Variants in VWC2L observed in about 807,000 individuals in gnomAD.
The protein encoded by VWC2L is von Willebrand factor C domain containing 2 like.
A neutral mutation model predicts 21.6 loss-of-function variants in VWC2L; 10 were observed. The ratio of observed to expected loss-of-function variants is 0.46; its 90% CI spans 0.29 to 0.78. The LOEUF (loss-of-function observed/expected upper bound fraction) is 0.78. VWC2L is among the 30% of genes least tolerant of loss of function. The pLI is 0.10. For synonymous variants in VWC2L, 96 were observed against 94.3 expected (o/e 1.02, Z -0.10); for missense variants, 209 against 277.1 (o/e 0.75, Z 1.74).
At chr2:214,452,584 G>T (rs1423525694) in intron 3 of VWC2L, among the ~76,000 whole-genome samples, 1 of 151,906 alleles carries the variant, frequency 6.6e-6, no homozygotes, top group Non-Finnish European at 1.5e-5. Context: ...CCTTCGTATG[G>T]ATACTTTCTT....
At chr2:214,484,452 C>G (rs1422858135) in intron 3 of VWC2L, among the ~76,000 whole-genome samples, 1 of 152,156 alleles carries the variant, frequency 6.6e-6, no homozygotes, top group Non-Finnish European at 1.5e-5. Flanking sequence ...CTGCCAAACT[C>G]TAGCCACTAG....
rs766557511 is a variant in VWC2L, at chr2:214,445,957, T to C, written c.520+9199T>C. On this transcript the variant is annotated intron_variant, in intron 3 of 3. Transcript: ENST00000312504. The stretch of plus-strand genomic sequence containing the variant: ...TAACTATGAGATTCTTTTCAAAGCA[T>C]TTAGAAAGCCTCATTGACCATTTTA... Among the ~76,000 whole-genome samples the C allele has an allele frequency of 5.3e-5, 8 of 152,318 alleles. No individual in the cohort carries two copies. The South Asian group carries it at 8.3e-4, about 16-fold the overall frequency.
At chr2:214,483,779 T>C (rs1393813457) in intron 3 of VWC2L, among the ~76,000 whole-genome samples, 1 of 152,162 alleles carries the variant, frequency 6.6e-6, no homozygotes, top group Non-Finnish European at 1.5e-5. Flanking sequence ...GTGGGATACT[T>C]GGGCTTTTGA....
At chr2:214,505,888 G>C (rs1023702315) in intron 3 of VWC2L, among the ~76,000 whole-genome samples, 1 of 152,120 alleles carries the variant, frequency 6.6e-6, no homozygotes. Flanking sequence ...AATCGTTTTT[G>C]GAGACTTTTT....
chr2:214,552,631 C>T (rs1689811944), intron 3 of VWC2L, among the ~76,000 whole-genome samples: 2 of 152,250 alleles, frequency 1.3e-5, no homozygotes, highest in African/African-American at 4.8e-5. Flanking sequence ...TTCACAGCTC[C>T]CTTCCCAGGG....
chr2:214,575,659 CTG>C lies in VWC2L; in HGVS notation c.521-7_521-6del. 1 of 1,612,420 alleles carries C rather than the reference CTG, an allele frequency of 6.2e-7. No homozygotes were observed. The highest frequency in any genetic ancestry group is 8.5e-7 in the Non-Finnish European group (1 of 1,178,824). The stretch of plus-strand genomic sequence containing the variant: ...AGATTTAATCAACTAATCAATGTAT[CTG>C]TGTGTTTCAGGTCCAAACTGCTTTG... On this transcript the variant is annotated splice_polypyrimidine_tract_variant and intron_variant, in intron 3 of 3. Coordinates refer to ENST00000312504, the MANE Select transcript of VWC2L (RefSeq NM_001080500.4).
intron 3 of VWC2L, among the ~76,000 whole-genome samples, chr2:214,490,934 A>G (rs906116028): frequency 6.6e-6 from 1 of 152,208 alleles, no homozygotes; most frequent in Non-Finnish European, 1.5e-5. Flanking sequence ...GAAGCAAAAC[A>G]CAGAAGTCTA....
At chr2:214,420,326 T>C (rs1702420701) in intron 2 of VWC2L, among the ~76,000 whole-genome samples, 1 of 152,096 alleles carries the variant, frequency 6.6e-6, no homozygotes, top group Non-Finnish European at 1.5e-5. Context: ...GTTTTTTTAA[T>C]ATGGAGAAGA....
intron 3 of VWC2L, among the ~76,000 whole-genome samples, chr2:214,563,944 A>C (rs1341139170): frequency 6.6e-6 from 1 of 152,140 alleles, no homozygotes; most frequent in Non-Finnish European, 1.5e-5. Flanking sequence ...AGAAAACCCC[A>C]CTGTCTCAGC....
At chr2:214,545,750 T>C (rs1461732109) in intron 3 of VWC2L, among the ~76,000 whole-genome samples, 1 of 152,142 alleles carries the variant, frequency 6.6e-6, no homozygotes, top group East Asian at 1.9e-4. Flanking sequence ...AATCAAGAAA[T>C]TTCATAGACA....
intron 3 of VWC2L, among the ~76,000 whole-genome samples, chr2:214,475,978 C>T (rs977082281): frequency 1.3e-4 from 20 of 152,072 alleles, no homozygotes; most frequent in African/African-American, 3.1e-4. Context: ...GCAAAGCAGC[C>T]GCAAAACAAT....
intron 3 of VWC2L, among the ~76,000 whole-genome samples, chr2:214,478,207 GT>G (rs1387374839): frequency 1.3e-5 from 2 of 152,080 alleles, no homozygotes; most frequent in Non-Finnish European, 2.9e-5. Context: ...TTGTTTTTAG[GT>G]TTTATTATTT....
chr2:214,518,332 G>C lies in VWC2L; in HGVS notation c.521-57340G>C, dbSNP rs144618878. ...AATATAAAATAAACTTATTTCATTA[G>C]TTCCTTGGAGGATTAATTTAGATAA... On this transcript the variant is annotated intron_variant, in intron 3 of 3. Transcript: ENST00000312504. Among the ~76,000 whole-genome samples, 703 of 152,260 alleles carry C rather than the reference G, an allele frequency of 4.6e-3. 4 individuals carry two copies. The highest frequency in any genetic ancestry group is 0.014 in the South Asian group (69 of 4,824).
At chr2:214,555,633 G>C (rs1208991041) in intron 3 of VWC2L, among the ~76,000 whole-genome samples, 2 of 152,176 alleles carry the variant, frequency 1.3e-5, no homozygotes, top group Admixed American at 6.5e-5. Flanking sequence ...TGAGCTAAGA[G>C]TGGCAGCATT....
intron 3 of VWC2L, among the ~76,000 whole-genome samples, chr2:214,522,659 AG>A (rs1335271208): frequency 6.6e-6 from 1 of 152,172 alleles, no homozygotes; most frequent in Admixed American, 6.5e-5. Context: ...AAATCTGAAA[AG>A]GAGTCATTAT....
At chr2:214,573,749 A>G (rs1479317129) in intron 3 of VWC2L, among the ~76,000 whole-genome samples, 1 of 152,244 alleles carries the variant, frequency 6.6e-6, no homozygotes, top group East Asian at 1.9e-4. Flanking sequence ...AAGGCAGTCC[A>G]ATCTATCGAA....
chr2:214,512,245 G>C (rs1260508615), intron 3 of VWC2L, among the ~76,000 whole-genome samples: 1 of 152,132 alleles, frequency 6.6e-6, no homozygotes, highest in Non-Finnish European at 1.5e-5. Flanking sequence ...CAAGTTCACT[G>C]TACCTTCAGG....
At chr2:214,530,914 T>C (rs1218689068) in intron 3 of VWC2L, among the ~76,000 whole-genome samples, 1 of 152,218 alleles carries the variant, frequency 6.6e-6, no homozygotes, top group Non-Finnish European at 1.5e-5. Flanking sequence ...TTCAGGTAGC[T>C]GCATTGGCAA....
chr2:214,554,836 G>T (rs1689851034), intron 3 of VWC2L, among the ~76,000 whole-genome samples: 1 of 152,150 alleles, frequency 6.6e-6, no homozygotes. Context: ...GGCCCTGAAA[G>T]AAACTGTATT....
Sources: allele counts gnomAD v4.1 joint callset (sites outside exome capture counted in the v4.1 genomes callset), GRCh38; gene constraint gnomAD v4.1.1; transcripts MANE v1.5; gene names NCBI Gene and HGNC (gene_info 2026-07-23, HGNC 2026-07-21).